POLA1: variants seen among roughly 807,000 people sequenced by gnomAD.
POLA1 encodes the protein DNA polymerase alpha 1, catalytic subunit, also known as DNA polymerase alpha catalytic subunit.
In POLA1, 15 loss-of-function variants were observed where a neutral mutation model predicts 124.0. The observed-to-expected ratio is 0.12, with a 90% CI of 0.08 to 0.19. POLA1 has a LOEUF of 0.19. POLA1 is among the 10% of genes least tolerant of loss of function. POLA1 has a pLI of 1.00. For missense variants in POLA1, 886 were observed against 1,103.4 expected (o/e 0.80, Z 2.79); for synonymous variants, 408 against 389.4 (o/e 1.05, Z -0.56).
chrX:24,835,066 G>A (rs2046323331), intron 32 of POLA1, among the ~76,000 whole-genome samples: 1 of 102,249 alleles, frequency 9.8e-6, no homozygotes, highest in Admixed American at 1.1e-4. Flanking sequence ...TTTTTTTAGA[G>A]ACAAAGAGTC....
At chrX:24,831,899 T>C (rs949674012) in intron 32 of POLA1, among the ~76,000 whole-genome samples, 4 of 111,918 alleles carry the variant, frequency 3.6e-5, no homozygotes, top group Non-Finnish European at 7.5e-5. Context: ...TCTACTTTTG[T>C]ATTCAATATT....
chrX:24,758,278 C>G (rs1015988577), intron 26 of POLA1, among the ~76,000 whole-genome samples: 14 of 111,164 alleles, frequency 1.3e-4, no homozygotes. Flanking sequence ...TCTATTATAA[C>G]AGTGTTGCAT....
intron 35 of POLA1, among the ~76,000 whole-genome samples, chrX:24,927,655 G>A (rs1347897746): frequency 8.9e-6 from 1 of 112,367 alleles, no homozygotes; most frequent in Non-Finnish European, 1.9e-5. Flanking sequence ...AAGAAGCCTA[G>A]GCACTGTGTT....
intron 35 of POLA1, among the ~76,000 whole-genome samples, chrX:24,898,891 T>C (rs777421197): frequency 8.9e-6 from 1 of 111,827 alleles, no homozygotes; most frequent in Non-Finnish European, 1.9e-5. Context: ...AGAACTGATA[T>C]GCTAATTGTC....
intron 16 of POLA1, among the ~76,000 whole-genome samples, chrX:24,732,775 T>C (rs748814268): frequency 9.0e-5 from 10 of 110,714 alleles, no homozygotes; most frequent in African/African-American, 3.3e-4. Context: ...TTAGACTTTA[T>C]TTTCTGATGT....
intron 34 of POLA1, among the ~76,000 whole-genome samples, chrX:24,865,370 A>G (rs1195428352): frequency 1.8e-5 from 2 of 112,137 alleles, no homozygotes; most frequent in Non-Finnish European, 3.8e-5. Context: ...AAAGGTTGAC[A>G]GTTGTACTCC....
intron 36 of POLA1, among the ~76,000 whole-genome samples, chrX:24,939,128 A>G (rs911549906): frequency 1.8e-5 from 2 of 112,205 alleles, no homozygotes; most frequent in African/African-American, 6.5e-5. Context: ...TTCCCCTTTT[A>G]TAGTGACAGG....
intron 22 of POLA1, among the ~76,000 whole-genome samples, chrX:24,742,395 C>G (rs777038603): frequency 2.0e-3 from 228 of 112,239 alleles, no homozygotes; most frequent in Middle Eastern, 4.6e-3. Flanking sequence ...GGTGACCATA[C>G]ATGGAATGTG....
At chrX:24,935,080 TCTC>T (rs1443455694) in intron 36 of POLA1, among the ~76,000 whole-genome samples, 1 of 111,573 alleles carries the variant, frequency 9.0e-6, no homozygotes, top group African/African-American at 3.3e-5. Context: ...CTGTACCTAA[TCTC>T]CTCTTCTTAT....
intron 36 of POLA1, among the ~76,000 whole-genome samples, chrX:24,978,383 T>A (rs1265550282): frequency 8.9e-6 from 1 of 112,046 alleles, no homozygotes; most frequent in Non-Finnish European, 1.9e-5. Flanking sequence ...TTTGCAGGGA[T>A]CTTTTTTACA....
intron 25 of POLA1, 89 bp downstream of exon 25, chrX:24,748,549 C>A: frequency 1.3e-6 from 1 of 781,064 alleles, no homozygotes; most frequent in Non-Finnish European, 1.9e-6. Flanking sequence ...TGGGCAATTG[C>A]AGGTACTTAT....
At chrX:24,994,364 C>T (rs1569389274) in intron 36 of POLA1, among the ~76,000 whole-genome samples, 1 of 112,613 alleles carries the variant, frequency 8.9e-6, no homozygotes, top group Non-Finnish European at 1.9e-5. Flanking sequence ...TCTGAGTTTT[C>T]GTTTTCCGGG....
rs774425538 is a variant in POLA1, at chrX:24,833,858, G to A, written c.3736+7257G>A. Among the ~76,000 whole-genome samples the A allele has an allele frequency of 7.1e-5, 8 of 112,309 alleles. No homozygotes were observed. The South Asian group carries it at 1.5e-3, about 21-fold the overall frequency. On this transcript the variant is annotated intron_variant, in intron 32 of 36. Coordinates refer to ENST00000379068, the MANE Select transcript of POLA1 (RefSeq NM_001330360.2). The stretch of plus-strand genomic sequence containing the variant: ...GTAATCCCAACACTTTGGGAGGCAG[G>A]AGGATGGCTTGAGTCTAGGAGTTCA...
At chrX:24,862,064 T>C (rs2046723408) in intron 34 of POLA1, among the ~76,000 whole-genome samples, 1 of 111,642 alleles carries the variant, frequency 9.0e-6, no homozygotes, top group Admixed American at 9.5e-5. Flanking sequence ...ACAGCAAAAT[T>C]GTTGTATCTT....
chrX:24,924,502 T>C (rs2047662418), intron 35 of POLA1, among the ~76,000 whole-genome samples: 1 of 111,390 alleles, frequency 9.0e-6, no homozygotes, highest in Non-Finnish European at 1.9e-5. Flanking sequence ...CATTAAGCAA[T>C]ATGCATGTGG....
At position 24,810,187 on chromosome X, in the gene POLA1, T is replaced by TTA. The variant is rs11573411; in HGVS notation, c.2997+260_2997+261dup. On this transcript the variant is annotated intron_variant, in intron 27 of 36. Transcript: ENST00000379068. ...CTAATTAGAGTTTATTTCCAGGCCT[T>TTA]TATACTGTATGTGCTCTAGTGTTGT... Among the ~76,000 whole-genome samples the TTA allele has an allele frequency of 3.0e-3, 336 of 111,689 alleles. 1 individual carries two copies. The highest frequency in any genetic ancestry group is 0.02 in the South Asian group (54 of 2,659).
intron 10 of POLA1, 94 bp from the exon 11 acceptor site, chrX:24,723,061 A>G (rs1192836445): frequency 3.3e-6 from 2 of 600,778 alleles, no homozygotes; most frequent in East Asian, 3.2e-5. Context: ...GAAGGTATAA[A>G]TGTGTGGACA....
chrX:24,969,236 T>C (rs745473585), intron 36 of POLA1, among the ~76,000 whole-genome samples: 32 of 109,822 alleles, frequency 2.9e-4, no homozygotes, highest in Non-Finnish European at 5.5e-4. Context: ...TGTAATCTAA[T>C]GGCAGAAAGG....
At chrX:24,852,370 G>C (rs1034619218) in intron 34 of POLA1, among the ~76,000 whole-genome samples, 2 of 110,059 alleles carry the variant, frequency 1.8e-5, no homozygotes, top group Admixed American at 9.6e-5. Flanking sequence ...GAGTGCAATG[G>C]CATGATCTCG....
Sources: gnomAD v4.1 joint callset for allele counts (sites outside exome capture counted in the v4.1 genomes callset) on GRCh38, gnomAD v4.1.1 for gene constraint, MANE v1.5 for transcripts, NCBI Gene and HGNC (gene_info 2026-07-23, HGNC 2026-07-21) for gene names.